ARHGEF26: variants seen among roughly 807,000 people sequenced by gnomAD.
ARHGEF26 encodes the protein Rho guanine nucleotide exchange factor (GEF) 26.
Under a neutral mutation model 89.4 loss-of-function variants are expected in ARHGEF26, and 59 were observed. The observed-to-expected ratio is 0.66, with a 90% CI of 0.54 to 0.82. The LOEUF (loss-of-function observed/expected upper bound fraction) is 0.82. ARHGEF26 is among the 40% of genes least tolerant of loss of function. The pLI is 0.00. For synonymous variants in ARHGEF26, 500 were observed against 428.4 expected (o/e 1.17, Z -2.06); for missense variants, 1,234 against 1,085.6 (o/e 1.14, Z -1.92).
At chr3:154,237,538 TCACACACACACACACA>T (rs71152796) in intron 11 of ARHGEF26, among the ~76,000 whole-genome samples, 1 of 143,202 alleles carries the variant, frequency 7.0e-6, no homozygotes, top group Non-Finnish European at 1.5e-5. Flanking sequence ...TGAGACTCCG[TCACACACACACACACA>T]CACACACACA....
intron 14 of ARHGEF26, 94 bp downstream of exon 14, chr3:154,254,918 C>T: frequency 2.1e-6 from 2 of 965,200 alleles, no homozygotes; most frequent in Non-Finnish European, 3.2e-6. Context: ...GCCCATATTC[C>T]AAATCTTGAC....
At chr3:154,188,090 T>G (rs1271310228) in intron 7 of ARHGEF26, among the ~76,000 whole-genome samples, 1 of 152,172 alleles carries the variant, frequency 6.6e-6, no homozygotes, top group Non-Finnish European at 1.5e-5. Flanking sequence ...TTTCGTTGTT[T>G]TTAATTGTTG....
chr3:154,126,270 G>A lies in ARHGEF26; in HGVS notation c.1123+1821G>A, dbSNP rs186362050. Among the ~76,000 whole-genome samples the A allele has an allele frequency of 2.6e-5, 4 of 152,214 alleles. No individual in the cohort carries two copies. In the East Asian group the frequency reaches 5.8e-4, roughly 22 times the overall value. Reference sequence around the variant, plus strand: ...AAGGGGCAGATGCATGCTTGTTTTGGTAGATGGGAAAGTCAGTTCAAACTC... The same window carrying A: ...AAGGGGCAGATGCATGCTTGTTTTGATAGATGGGAAAGTCAGTTCAAACTC... On this transcript the variant is annotated intron_variant, in intron 3 of 14. Transcript: ENST00000465093.
intron 4 of ARHGEF26, among the ~76,000 whole-genome samples, chr3:154,131,089 G>A (rs754971265): frequency 1.3e-5 from 2 of 152,126 alleles, no homozygotes; most frequent in African/African-American, 4.8e-5. Flanking sequence ...CTGAGGTATA[G>A]CACCCTTATG....
chr3:154,128,862 C>G (rs1467387061), intron 3 of ARHGEF26, among the ~76,000 whole-genome samples: 2 of 152,190 alleles, frequency 1.3e-5, no homozygotes, highest in Non-Finnish European at 2.9e-5. Context: ...TTCTACCCCC[C>G]TTCCCTGTTT....
At chr3:154,190,227 T>C (rs1713871654) in intron 7 of ARHGEF26, among the ~76,000 whole-genome samples, 1 of 151,934 alleles carries the variant, frequency 6.6e-6, no homozygotes, top group African/African-American at 2.4e-5. Context: ...AACTTGGGTT[T>C]GAGGCCAGGC....
intron 6 of ARHGEF26, among the ~76,000 whole-genome samples, chr3:154,166,172 A>G (rs550636253): frequency 5.5e-4 from 84 of 152,096 alleles, no homozygotes; most frequent in African/African-American, 2.0e-3. Flanking sequence ...AGGAGAATCT[A>G]CTACTCCTAC....
chr3:154,123,208 A>G, intron 2 of ARHGEF26, 133 bp downstream of exon 2: 1 of 1,342,742 alleles, frequency 7.4e-7, no homozygotes, highest in East Asian at 2.5e-5. Flanking sequence ...CTTGATTGCT[A>G]GTGTACATCC....
chr3:154,202,181 A>T (rs1279800509), intron 9 of ARHGEF26, among the ~76,000 whole-genome samples: 3 of 152,152 alleles, frequency 2.0e-5, no homozygotes, highest in Admixed American at 6.5e-5. Flanking sequence ...TAATTTTTGT[A>T]TAAGGTGTAA....
At chr3:154,189,637 C>T (rs755446734) in intron 7 of ARHGEF26, among the ~76,000 whole-genome samples, 9 of 151,866 alleles carry the variant, frequency 5.9e-5, no homozygotes, top group Admixed American at 1.3e-4. Context: ...GCGCCCAGCC[C>T]GCAGTTTATG....
intron 6 of ARHGEF26, among the ~76,000 whole-genome samples, chr3:154,175,108 G>T (rs1440148049): frequency 6.6e-6 from 1 of 152,174 alleles, no homozygotes; most frequent in Non-Finnish European, 1.5e-5. Flanking sequence ...CATAAGACTA[G>T]AGGGTAAAGT....
chr3:154,207,301 C>T (rs949295242), intron 9 of ARHGEF26, among the ~76,000 whole-genome samples: 1 of 152,092 alleles, frequency 6.6e-6, no homozygotes, highest in African/African-American at 2.4e-5. Context: ...AGGAAACTCT[C>T]AACAGAGTAA....
intron 6 of ARHGEF26, among the ~76,000 whole-genome samples, chr3:154,155,854 T>G (rs1713813): frequency 0.91 from 137,997 of 151,890 alleles, 62,910 homozygotes; most frequent in East Asian, 1. Context: ...AGAAATATGG[T>G]TTTAGTTTAA....
In ARHGEF26 at chr3:154,121,952, C is replaced by T. The variant is rs201682467; in HGVS notation, c.-41C>T. The T allele has an allele frequency of 7.7e-4, 1,188 of 1,548,070 alleles. 1 individual carries two copies. Among genetic ancestry groups the T allele is most frequent in the Non-Finnish European group, 9.8e-4 (1,120 of 1,143,224 alleles). ...TTCTTTCCTCTTTAGGCAAGACTAACTCGGTGTTGCTCCTCCCGGCGCTGA... is the reference window on the plus strand; with the variant it reads ...TTCTTTCCTCTTTAGGCAAGACTAATTCGGTGTTGCTCCTCCCGGCGCTGA... On this transcript the variant is annotated 5_prime_UTR_variant, in exon 2 of 15. Coordinates refer to ENST00000465093, the MANE Select transcript of ARHGEF26 (RefSeq NM_015595.4).
intron 14 of ARHGEF26, 110 bp downstream of exon 14, chr3:154,254,934 A>C: frequency 1.1e-6 from 1 of 887,254 alleles, no homozygotes; most frequent in East Asian, 2.4e-5. Flanking sequence ...TTGACATGTT[A>C]ATGTTTGAGA....
intron 6 of ARHGEF26, among the ~76,000 whole-genome samples, chr3:154,186,056 G>A (rs1192515989): frequency 2.0e-5 from 3 of 151,928 alleles, no homozygotes; most frequent in East Asian, 3.9e-4. Context: ...TGTTTAATGA[G>A]CTAACCTCTC....
intron 11 of ARHGEF26, among the ~76,000 whole-genome samples, chr3:154,238,211 A>C (rs1338977937): frequency 3.3e-5 from 5 of 152,176 alleles, no homozygotes; most frequent in African/African-American, 1.2e-4. Context: ...TATAAACATC[A>C]TGTCTACTTT....
Position 154,142,437 on chromosome 3 carries a change from G to A in ARHGEF26, c.1270-6952G>A, listed in dbSNP as rs140263090. Among the ~76,000 whole-genome samples the A allele has an allele frequency of 2.7e-3, 406 of 152,184 alleles. 1 individual carries two copies. Among genetic ancestry groups the A allele is most frequent in the Non-Finnish European group, 3.9e-3 (263 of 68,018 alleles). On this transcript the variant is annotated intron_variant, in intron 4 of 14. Transcript: ENST00000465093. ...TTCTGTGTCTGTTTCTCAGATCTCC[G>A]TACAATAAGGTAATTCCTGTCCAAA...
In ARHGEF26 at chr3:154,166,400, A is replaced by G. The variant is rs549357526; in HGVS notation, c.1487+13468A>G. On this transcript the variant is annotated intron_variant, in intron 6 of 14. Transcript: ENST00000465093. ...AGTTGCTAGAGGTAGCAAACATATG[A>G]ATAACCTGAGGATAGGAAGGTAACG... Among the ~76,000 whole-genome samples the G allele has an allele frequency of 3.3e-4, 51 of 152,246 alleles. 1 individual carries two copies. The highest frequency in any genetic ancestry group is 6.8e-3 in the Middle Eastern group (2 of 294).
Sources: allele counts gnomAD v4.1 joint callset (sites outside exome capture counted in the v4.1 genomes callset), GRCh38; gene constraint gnomAD v4.1.1; transcripts MANE v1.5; gene names NCBI Gene and HGNC (gene_info 2026-07-23, HGNC 2026-07-21).